VMP1: variants seen among roughly 807,000 people sequenced by gnomAD.
VMP1 encodes ectopic P-granules autophagy protein 3 homolog.
A neutral mutation model predicts 56.0 loss-of-function variants in VMP1; 11 were observed. The observed-to-expected ratio is 0.20, with a 90% confidence interval of 0.12 to 0.32. VMP1 has a LOEUF of 0.32. VMP1 is among the 10% of genes least tolerant of loss of function. VMP1 has a pLI of 1.00. For missense variants in VMP1, 296 were observed against 490.3 expected, an observed-to-expected ratio of 0.60 and a Z score of 3.74; for synonymous variants, 149 against 165.0, an observed-to-expected ratio of 0.90 and a Z score of 0.74.
intron 6 of VMP1, 63 bp from the exon 7 acceptor site, chr17:59,773,691 G>C: frequency 6.8e-7 from 1 of 1,475,184 alleles, no homozygotes; most frequent in South Asian, 1.4e-5. Context: ...GTATGGGTTT[G>C]ATCTATTAAG....
intron 7 of VMP1, among the ~76,000 whole-genome samples, chr17:59,799,322 T>C (rs994872404): frequency 1.3e-5 from 2 of 152,320 alleles, no homozygotes; most frequent in South Asian, 4.1e-4. Flanking sequence ...TTTACCCTAA[T>C]TTCTAATATA....
At chr17:59,711,620 GTAT>G (rs1397962164) in intron 1 of VMP1, among the ~76,000 whole-genome samples, 5 of 152,100 alleles carry the variant, frequency 3.3e-5, no homozygotes, top group African/African-American at 1.2e-4. Context: ...CTGAAGTTAG[GTAT>G]TATGTAGGCC....
intron 10 of VMP1, among the ~76,000 whole-genome samples, chr17:59,823,951 T>C (rs2038543937): frequency 6.6e-6 from 1 of 151,824 alleles, no homozygotes; most frequent in Admixed American, 6.6e-5. Context: ...TATGAGATAA[T>C]AAGGCAAGGA....
chr17:59,776,251 G>A (rs1212414729), intron 7 of VMP1, among the ~76,000 whole-genome samples: 5 of 152,016 alleles, frequency 3.3e-5, no homozygotes, highest in African/African-American at 4.8e-5. Context: ...ATTCAACCAA[G>A]TATGGTTATA....
At chr17:59,765,701 C>T (rs942453485) in intron 6 of VMP1, among the ~76,000 whole-genome samples, 39 of 151,776 alleles carry the variant, frequency 2.6e-4, no homozygotes, top group African/African-American at 7.0e-4. Flanking sequence ...GAGGAGGAGG[C>T]GGAGGGAAAG....
intron 8 of VMP1, 127 bp downstream of exon 8, chr17:59,809,003 C>CTTTT: frequency 3.4e-6 from 2 of 593,700 alleles, no homozygotes; most frequent in South Asian, 2.7e-5. Flanking sequence ...AATCATTCAC[C>CTTTT]TTTTTTTTTT....
intron 10 of VMP1, among the ~76,000 whole-genome samples, chr17:59,825,860 C>A (rs866789947): frequency 6.6e-6 from 1 of 152,288 alleles, no homozygotes; most frequent in South Asian, 2.1e-4. Context: ...TGCTTGAATC[C>A]GAATGTTGTT....
At chr17:59,810,467 T>C (rs2144223754) in intron 8 of VMP1, among the ~76,000 whole-genome samples, 1 of 152,298 alleles carries the variant, frequency 6.6e-6, no homozygotes, top group South Asian at 2.1e-4. Flanking sequence ...ATATCTTAAA[T>C]ACTTTAAATT....
intron 5 of VMP1, among the ~76,000 whole-genome samples, chr17:59,747,202 C>T (rs1025282951): frequency 6.6e-6 from 1 of 151,572 alleles, no homozygotes; most frequent in Non-Finnish European, 1.5e-5. Flanking sequence ...AACCAGTCTA[C>T]GCATGTAAGT....
chr17:59,838,685 G>C (rs942042691), intron 11 of VMP1: 1 of 312,246 alleles, frequency 3.2e-6, no homozygotes, highest in African/African-American at 2.1e-5. Context: ...TGTATTGGTA[G>C]ATATACTTCC....
intron 4 of VMP1, among the ~76,000 whole-genome samples, chr17:59,738,212 G>A (rs538879842): frequency 5.9e-5 from 9 of 152,244 alleles, no homozygotes; most frequent in Non-Finnish European, 7.4e-5. Flanking sequence ...TGATGATTAC[G>A]TTTTATTTGT....
intron 9 of VMP1, 52 bp downstream of exon 9, chr17:59,811,838 C>A: frequency 1.7e-6 from 2 of 1,210,542 alleles, no homozygotes; most frequent in Non-Finnish European, 2.4e-6. Context: ...CATTACAAGA[C>A]AATGAAACAT....
At chr17:59,769,888 A>T (rs2036364491) in intron 6 of VMP1, among the ~76,000 whole-genome samples, 1 of 152,194 alleles carries the variant, frequency 6.6e-6, no homozygotes, top group Non-Finnish European at 1.5e-5. Context: ...ATAAAATTGT[A>T]AGGATTATGA....
chr17:59,732,650 T>A (rs2034874476), intron 2 of VMP1, among the ~76,000 whole-genome samples: 1 of 152,086 alleles, frequency 6.6e-6, no homozygotes, highest in South Asian at 2.1e-4. Context: ...TCACCAAGAG[T>A]TTCAGGATTC....
At chr17:59,808,507 T>G (rs1382985346) in intron 7 of VMP1, among the ~76,000 whole-genome samples, 1 of 152,218 alleles carries the variant, frequency 6.6e-6, no homozygotes, top group East Asian at 1.9e-4. Flanking sequence ...TGGTTCATGG[T>G]TAGTTTACAG....
chr17:59,755,110 C>A (rs1014205268), intron 5 of VMP1, among the ~76,000 whole-genome samples: 1 of 149,840 alleles, frequency 6.7e-6, no homozygotes, highest in Non-Finnish European at 1.5e-5. Flanking sequence ...TTTTCTTTTT[C>A]TTTTTCTTTT....
At chr17:59,750,736 A>G (rs1357117814) in intron 5 of VMP1, among the ~76,000 whole-genome samples, 1 of 152,146 alleles carries the variant, frequency 6.6e-6, no homozygotes, top group Non-Finnish European at 1.5e-5. Context: ...AGCATTTGTA[A>G]ACTGCATTTC....
chr17:59,823,340 A>C (rs1002916266), intron 10 of VMP1, among the ~76,000 whole-genome samples: 1 of 151,380 alleles, frequency 6.6e-6, no homozygotes, highest in Non-Finnish European at 1.5e-5. Flanking sequence ...AATCTCAGCT[A>C]TTTGGGAGGC....
chr17:59,839,185 G>C (rs906424118), intron 11 of VMP1: 24 of 152,268 alleles, frequency 1.6e-4, no homozygotes, highest in African/African-American at 5.1e-4. Context: ...ATAGAAACAG[G>C]GTTTCACCGT....
Sources: gnomAD v4.1 joint callset for allele counts (sites outside exome capture counted in the v4.1 genomes callset) on GRCh38, gnomAD v4.1.1 for gene constraint, MANE v1.5 for transcripts, NCBI Gene and HGNC (gene_info 2026-07-23, HGNC 2026-07-21) for gene names.